Variants in GALNT11 observed in about 807,000 individuals in gnomAD.
The protein encoded by GALNT11 is UDP-GalNAc:polypeptide N-acetylgalactosaminyltransferase 11.
In GALNT11, 47 loss-of-function variants were observed where a neutral mutation model predicts 72.7. The observed-to-expected ratio is 0.65, with a 90% CI of 0.51 to 0.82. The LOEUF (loss-of-function observed/expected upper bound fraction) is 0.82, where lower values mean the gene tolerates loss of function less well. GALNT11 is among the 40% of genes least tolerant of loss of function. The pLI is 0.00. For missense variants in GALNT11, 677 were observed against 778.4 expected (o/e 0.87, Z 1.55); for synonymous variants, 270 against 286.6 (o/e 0.94, Z 0.58).
intron 1 of GALNT11, among the ~76,000 whole-genome samples, chr7:152,047,093 T>G (rs1467623442): frequency 6.6e-6 from 1 of 152,180 alleles, no homozygotes; most frequent in African/African-American, 2.4e-5. Context: ...AAACTACATG[T>G]TGGCCAGGTG....
chr7:152,116,429 G>A (rs1038045395), intron 8 of GALNT11, among the ~76,000 whole-genome samples: 4 of 152,026 alleles, frequency 2.6e-5, no homozygotes, highest in South Asian at 4.2e-4. Context: ...GTAGAGACAC[G>A]GTTTCACCAT....
chr7:152,041,430 A>G (rs931621375), intron 1 of GALNT11, among the ~76,000 whole-genome samples: 2 of 152,228 alleles, frequency 1.3e-5, no homozygotes. Context: ...ATGTAATTTA[A>G]CAATCCGAGT....
intron 1 of GALNT11, among the ~76,000 whole-genome samples, chr7:152,081,182 G>A (rs2085304106): frequency 6.6e-6 from 1 of 152,282 alleles, no homozygotes; most frequent in Admixed American, 6.5e-5. Context: ...AAGATTAGTG[G>A]AATTAAGCCA....
At chr7:152,037,008 T>C (rs1044864491) in intron 1 of GALNT11, among the ~76,000 whole-genome samples, 1 of 152,242 alleles carries the variant, frequency 6.6e-6, no homozygotes, top group Admixed American at 6.5e-5. Context: ...ATGGATAGTT[T>C]GCAAATACTT....
chr7:152,118,813 G>T (rs780282168), intron 10 of GALNT11, 31 bp downstream of exon 10: 1 of 1,572,344 alleles, frequency 6.4e-7, no homozygotes, highest in South Asian at 1.1e-5. Context: ...CACAGCCAGT[G>T]TCCGCAAGGA....
intron 1 of GALNT11, among the ~76,000 whole-genome samples, chr7:152,062,254 G>A (rs567735123): frequency 1.1e-4 from 17 of 152,100 alleles, no homozygotes; most frequent in South Asian, 2.1e-4. Flanking sequence ...GGGAGTTCAC[G>A]CATGATTTGG....
intron 1 of GALNT11, among the ~76,000 whole-genome samples, chr7:152,073,188 T>C (rs2084763024): frequency 6.6e-6 from 1 of 152,222 alleles, no homozygotes; most frequent in African/African-American, 2.4e-5. Flanking sequence ...TATTTGAAAC[T>C]CTACAATATG....
rs985611534 is a variant in GALNT11 at position 152,094,420 on chromosome 7, C to T, written c.193C>T (p.Arg65Ter). Residue 65 changes from arginine to a stop codon, truncating the protein, a stop_gained, in exon 2 of 12, where the codon CGA (arginine) becomes TGA (stop). Transcript: ENST00000430044. LOFTEE classifies it high-confidence loss of function. This position sits in a 1 kb window ranked among gnomAD's most constrained non-coding sequence, Gnocchi z 4.3. ...TCCCCGTTTCACTCGAGGCCCAAGT[C>T]GAGTGCTCGAGCCACAGTTCAAAGC... ...FYPRFTRGPSRVLEPQFKANK... is the reference protein window; with the variant it reads ...FYPRFTRGPS 3.1e-6 allele frequency: 5 copies of T among 1,614,132 alleles called. No homozygotes were observed. Among genetic ancestry groups the T allele is most frequent in the African/African-American group, 2.7e-5 (2 of 75,026 alleles).
intron 1 of GALNT11, among the ~76,000 whole-genome samples, chr7:152,048,664 G>A (rs2083258738): frequency 6.6e-6 from 1 of 151,666 alleles, no homozygotes; most frequent in African/African-American, 2.4e-5. Context: ...AGAGTAGCTG[G>A]GACTACAGGC....
chr7:152,058,846 CA>C (rs1383638571), intron 1 of GALNT11, among the ~76,000 whole-genome samples: 1 of 152,194 alleles, frequency 6.6e-6, no homozygotes, highest in Non-Finnish European at 1.5e-5. Flanking sequence ...ACAGCATCAT[CA>C]CCAGGAGCGA....
At chr7:152,087,178 G>A (rs1180846531) in intron 1 of GALNT11, among the ~76,000 whole-genome samples, 1 of 152,228 alleles carries the variant, frequency 6.6e-6, no homozygotes, top group Admixed American at 6.5e-5. Context: ...CAGGGAATAA[G>A]TAATTATGTA....
At chr7:152,096,432 A>G (rs1376058888) in intron 2 of GALNT11, among the ~76,000 whole-genome samples, 1 of 152,198 alleles carries the variant, frequency 6.6e-6, no homozygotes, top group Non-Finnish European at 1.5e-5. Flanking sequence ...AATGTGAAAA[A>G]AGGGCTGGAC....
chr7:152,081,658 T>C (rs2085332085), intron 1 of GALNT11, among the ~76,000 whole-genome samples: 1 of 152,242 alleles, frequency 6.6e-6, no homozygotes, highest in Admixed American at 6.5e-5. Flanking sequence ...CCTGCAAAGA[T>C]GATGTCAGCT....
intron 1 of GALNT11, among the ~76,000 whole-genome samples, chr7:152,060,324 T>G (rs893392536): frequency 1.1e-4 from 17 of 152,218 alleles, no homozygotes; most frequent in Non-Finnish European, 2.2e-4. Context: ...TGTCACTTTC[T>G]TATTCCTGTG....
chr7:152,068,792 G>GGAAATTGGAA (rs2129007080), intron 1 of GALNT11, among the ~76,000 whole-genome samples: 1 of 151,838 alleles, frequency 6.6e-6, no homozygotes, highest in South Asian at 2.1e-4. Context: ...CAATTTCATT[G>GGAAATTGGAA]ATTTCTATTT....
chr7:152,100,922 G>C lies in GALNT11; in HGVS notation c.419+1G>C. 1 of 1,613,172 alleles carries C rather than the reference G, an allele frequency of 6.2e-7. No homozygotes were observed. The highest frequency in any genetic ancestry group is 8.5e-7 in the Non-Finnish European group (1 of 1,179,608). On this transcript the variant is annotated splice_donor_variant, in intron 3 of 11. Coordinates refer to ENST00000430044, the MANE Select transcript of GALNT11 (RefSeq NM_022087.4). LOFTEE classifies it high-confidence loss of function. The stretch of plus-strand genomic sequence containing the variant: ...ATGTGCCAGACACAAGGAATGCAGC[G>C]TATGTGCCTTATCGGATTTGCAAAT...
chr7:152,092,581 ATACTT>A (rs1393326692), intron 1 of GALNT11, among the ~76,000 whole-genome samples: 2 of 152,126 alleles, frequency 1.3e-5, no homozygotes, highest in Non-Finnish European at 2.9e-5. Context: ...TTGTAGTAGA[ATACTT>A]AATAGTTCTT....
intron 1 of GALNT11, among the ~76,000 whole-genome samples, chr7:152,060,997 G>C (rs563666587): frequency 1.3e-5 from 2 of 152,246 alleles, no homozygotes; most frequent in Non-Finnish European, 2.9e-5. Flanking sequence ...CCAGTAATGG[G>C]ATGGCTGGGT....
chr7:152,031,364 C>T (rs902942416), intron 1 of GALNT11, among the ~76,000 whole-genome samples: 29 of 152,306 alleles, frequency 1.9e-4, no homozygotes, highest in African/African-American at 6.7e-4. Flanking sequence ...GTTCCCCATC[C>T]TCTGGGAGAA....
Sources: gnomAD v4.1 joint callset for allele counts (sites outside exome capture counted in the v4.1 genomes callset) on GRCh38, gnomAD v4.1.1 for gene constraint, Gnocchi (gnomAD v3.1) non-coding constraint, MANE v1.5 for transcripts, NCBI Gene and HGNC (gene_info 2026-07-23, HGNC 2026-07-21) for gene names.